Variants in ELN observed in about 807,000 individuals in gnomAD.
ELN encodes elastin.
In ELN, 65 loss-of-function variants were observed where a neutral mutation model predicts 105.8. That is an observed-to-expected ratio of 0.61 (90% CI 0.50 to 0.75). The LOEUF (loss-of-function observed/expected upper bound fraction) is 0.75. Among genes scored for constraint, ELN ranks in the 30% least tolerant of loss-of-function variants. The probability of loss-of-function intolerance (pLI) is 0.00; values close to 1 mark genes in which losing one functional copy is unlikely to be tolerated. For synonymous variants in ELN, 368 were observed against 389.2 expected (o/e 0.95, Z 0.64); for missense variants, 882 against 969.4 (o/e 0.91, Z 1.20).
Position 74,036,698 on chromosome 7 carries a change from T to C in ELN, c.163+114T>C. ...GACCCGAGCATCAAGGACTCCCTCATTTCACAGACAGCATCCAGGCGGTGG... is the reference window on the plus strand; with the variant it reads ...GACCCGAGCATCAAGGACTCCCTCACTTCACAGACAGCATCCAGGCGGTGG... On this transcript the variant is annotated intron_variant, in intron 3 of 32. Coordinates refer to ENST00000252034, the MANE Select transcript of ELN (RefSeq NM_000501.4). 2 of 1,457,846 alleles carry C rather than the reference T, an allele frequency of 1.4e-6. 1 individual carries two copies. The highest frequency in any genetic ancestry group is 2.8e-5 in the African/African-American group (2 of 71,910). The allele number at this position is 1,457,846 out of a possible 1,614,324, so 90.3% of individuals were successfully genotyped here.
At chr7:74,064,569 T>C in intron 29 of ELN, among the ~76,000 whole-genome samples, 1 of 151,844 alleles carries the variant, frequency 6.6e-6, no homozygotes, top group East Asian at 1.9e-4. Context: ...TGAGCCAAGA[T>C]CACGCCGCTG....
intron 24 of ELN, 59 bp from the exon 25 acceptor site, chr7:74,060,317 A>G: frequency 6.2e-7 from 1 of 1,613,954 alleles, no homozygotes. Context: ...CCTGGGCAGG[A>G]CACCTCCTTA....
chr7:74,029,097 A>C (rs1788083127), intron 1 of ELN, among the ~76,000 whole-genome samples: 1 of 152,108 alleles, frequency 6.6e-6, no homozygotes, highest in Admixed American at 6.5e-5. Context: ...AAAGTCTGCC[A>C]CCTGACAGAC....
chr7:74,054,718 G>A lies in ELN; in HGVS notation c.1099G>A (p.Val367Ile), dbSNP rs1216302521. The change falls in exon 19 of 33, where the codon GTT (valine) becomes ATT (isoleucine). Residue 367 changes from valine (V) to isoleucine (I), a missense_variant and splice_region_variant. Coordinates refer to ENST00000252034, the MANE Select transcript of ELN (RefSeq NM_000501.4). ...TGTGTCCCTTTTGGTCTCTCCAGGG[G>A]TTGTGTCACCAGAAGCAGCTGCTAA... ...AGIPGAAVPG[V>I]VSPEAAAKAA... 1.2e-6 allele frequency: 2 copies of A among 1,614,062 alleles called. No homozygotes were observed. The highest frequency in any genetic ancestry group is 8.5e-7 in the Non-Finnish European group (1 of 1,180,038).
chr7:74,067,688 G>A (rs374449601), intron 32 of ELN, among the ~76,000 whole-genome samples: 1 of 151,112 alleles, frequency 6.6e-6, no homozygotes, highest in African/African-American at 2.4e-5. Context: ...GTGTGAACCC[G>A]GGAGGCGGAG....
At chr7:74,035,016 G>A (rs781959541) in intron 1 of ELN, among the ~76,000 whole-genome samples, 2 of 152,026 alleles carry the variant, frequency 1.3e-5, no homozygotes, top group East Asian at 1.9e-4. Flanking sequence ...CAGCAGAATC[G>A]CTTGACCCAG....
chr7:74,039,972 C>T, intron 4 of ELN, among the ~76,000 whole-genome samples: 1 of 152,162 alleles, frequency 6.6e-6, no homozygotes, highest in East Asian at 1.9e-4. Flanking sequence ...TGTGGTCAGC[C>T]CCTCCCCGCT....
intron 25 of ELN, 126 bp downstream of exon 25, chr7:74,060,627 C>A (rs1554683874): frequency 6.4e-7 from 1 of 1,563,078 alleles, no homozygotes; most frequent in South Asian, 1.2e-5. Flanking sequence ...TTGTTAGGTT[C>A]TCCTAAGCAT....
In ELN at chr7:74,048,342, TG is replaced by T. The variant is rs1377560363; in HGVS notation, c.745+146del. On this transcript the variant is annotated intron_variant, in intron 14 of 32. Coordinates refer to ENST00000252034, the MANE Select transcript of ELN (RefSeq NM_000501.4). Reference sequence around the variant, plus strand: ...CTGGTCCAAACCTGGAGCAGGATCCTGGGGGAGGAGTGGGGCAGCTCCATCA... The same window carrying T: ...CTGGTCCAAACCTGGAGCAGGATCCTGGGGAGGAGTGGGGCAGCTCCATCA... The T allele has an allele frequency of 1.1e-5, 16 of 1,504,312 alleles. 1 individual carries two copies. Among genetic ancestry groups the T allele is most frequent in the Middle Eastern group, 1.7e-4 (1 of 5,780 alleles). The allele number at this position is 1,504,312 out of a possible 1,614,324, so 93.2% of individuals were successfully genotyped here.
chr7:74,068,807 C>A lies in ELN; in HGVS notation c.*107C>A. On this transcript the variant is annotated 3_prime_UTR_variant, in exon 33 of 33. Coordinates refer to ENST00000252034, the MANE Select transcript of ELN (RefSeq NM_000501.4). Reference sequence around the variant, plus strand: ...TCCCATGCCCCTCCGACTCCCCACCCCAGGAGGGAACGGGCAGGCCGGGCG... The same window carrying A: ...TCCCATGCCCCTCCGACTCCCCACCACAGGAGGGAACGGGCAGGCCGGGCG... 1 of 1,420,360 alleles carries A rather than the reference C, an allele frequency of 7.0e-7. No individual in the cohort carries two copies. The highest frequency in any genetic ancestry group is 9.9e-7 in the Non-Finnish European group (1 of 1,006,758). 88.0% of individuals were successfully genotyped at this position (1,420,360 alleles called of 1,614,324 possible). A position where few individuals can be genotyped will look rare whatever the true frequency, so the allele number is the denominator to read the frequency against.
Position 74,057,710 on chromosome 7 carries a change from A to AC in ELN, c.1414+19dup, listed in dbSNP as rs1563843745. On this transcript the variant is annotated intron_variant, in intron 22 of 32. Transcript: ENST00000252034. The stretch of plus-strand genomic sequence containing the variant: ...CCGCCCAGTTTGGTAAGTCCCCCTC[A>AC]CCCCCGCCACTGGCTCACGGAGAAC... 1.9e-6 allele frequency: 3 copies of AC among 1,587,034 alleles called. No individual in the cohort carries two copies. The highest frequency in any genetic ancestry group is 1.7e-6 in the Non-Finnish European group (2 of 1,166,460).
intron 31 of ELN, 70 bp downstream of exon 31, chr7:74,066,067 C>T (rs375717051): frequency 1.2e-6 from 2 of 1,602,016 alleles, no homozygotes; most frequent in Non-Finnish European, 8.5e-7. Flanking sequence ...GTCCATCTAG[C>T]AGTGGGGACT....
Position 74,049,603 on chromosome 7 carries a change from T to A in ELN, c.799+1047T>A, listed in dbSNP as rs183365641. 3.9e-4 allele frequency among the ~76,000 whole-genome samples: 55 copies of A among 140,626 alleles called. 1 individual carries two copies. Among genetic ancestry groups the A allele is most frequent in the Non-Finnish European group, 6.8e-4 (44 of 64,418 alleles). The allele number at this position is 140,626 out of a possible 152,430, so 92.3% of individuals were successfully genotyped here. A position where few individuals can be genotyped will look rare whatever the true frequency, so the allele number is the denominator to read the frequency against. ...CATTTCTCCATGCATGCATCCATCC[T>A]TCCATCCATCCTTCCATCCATCCAT... On this transcript the variant is annotated intron_variant, in intron 15 of 32. Coordinates refer to ENST00000252034, the MANE Select transcript of ELN (RefSeq NM_000501.4).
Position 74,053,255 on chromosome 7 carries a change from G to C in ELN, c.1042G>C (p.Gly348Arg). ...GAGVPGVGVP[G>R]AGIPVVPGAG... The stretch of plus-strand genomic sequence containing the variant: ...TGGCGTTCCAGGTGTTGGTGTCCCA[G>C]GAGCTGGGATTCCAGTTGTCCCAGG... Residue 348 changes from glycine to arginine, a missense_variant, in exon 18 of 33, where the codon GGA becomes CGA. Transcript: ENST00000252034. The C allele has an allele frequency of 6.2e-7, 1 of 1,614,182 alleles. No homozygotes were observed. Among genetic ancestry groups the C allele is most frequent in the Non-Finnish European group, 8.5e-7 (1 of 1,180,034 alleles).
chr7:74,038,839 T>C (rs1281467781), intron 4 of ELN, among the ~76,000 whole-genome samples: 1 of 152,222 alleles, frequency 6.6e-6, no homozygotes, highest in Non-Finnish European at 1.5e-5. Context: ...ATCTGGGTTG[T>C]GAAACACCAG....
Position 74,058,491 on chromosome 7 carries a change from C to T in ELN, c.1414+795C>T, listed in dbSNP as rs371371956. ...TGCTTCCGCCCCCCAAGAGCTGAGACCACAGGTGCCCACCACCATGCCTGG... is the reference window on the plus strand; with the variant it reads ...TGCTTCCGCCCCCCAAGAGCTGAGATCACAGGTGCCCACCACCATGCCTGG... On this transcript the variant is annotated intron_variant, in intron 22 of 32. Coordinates refer to ENST00000252034, the MANE Select transcript of ELN (RefSeq NM_000501.4). 8.7e-4 allele frequency among the ~76,000 whole-genome samples: 132 copies of T among 152,180 alleles called. 1 individual carries two copies. Among genetic ancestry groups the T allele is most frequent in the East Asian group, 3.7e-3 (19 of 5,170 alleles).
intron 32 of ELN, among the ~76,000 whole-genome samples, 185 bp from the exon 33 acceptor site, chr7:74,068,472 T>C (rs1798474647): frequency 6.6e-6 from 1 of 152,232 alleles, no homozygotes; most frequent in African/African-American, 2.4e-5. Context: ...TCTTGGGGGC[T>C]TCTCCCGCCC....
chr7:74,030,577 T>A (rs1028632263), intron 1 of ELN, among the ~76,000 whole-genome samples: 3 of 152,106 alleles, frequency 2.0e-5, no homozygotes, highest in Admixed American at 6.5e-5. Flanking sequence ...TTATTTTTTT[T>A]AAATTGAGAC....
intron 1 of ELN, among the ~76,000 whole-genome samples, chr7:74,030,339 C>G (rs1554661489): frequency 6.6e-6 from 1 of 152,098 alleles, no homozygotes; most frequent in African/African-American, 2.4e-5. Context: ...AGGAAGGAAC[C>G]CTGTTGCGGG....
Sources: allele counts gnomAD v4.1 joint callset (sites outside exome capture counted in the v4.1 genomes callset), GRCh38; gene constraint gnomAD v4.1.1; transcripts MANE v1.5; gene names NCBI Gene and HGNC (gene_info 2026-07-23, HGNC 2026-07-21).